The following CRACD variants were observed in gnomAD, a reference collection of about 807,000 sequenced individuals.
CRACD encodes capping protein inhibiting regulator of actin dynamics.
CRACD carries 56 observed loss-of-function variants against 106.8 expected under a neutral mutation model. That is an observed-to-expected ratio of 0.52 (90% CI 0.42 to 0.66). The LOEUF (loss-of-function observed/expected upper bound fraction) is 0.66, where lower values mean the gene tolerates loss of function less well. CRACD is among the 30% of genes least tolerant of loss of function. The pLI is 0.00. For synonymous variants in CRACD, 754 were observed against 670.8 expected (o/e 1.12, Z -1.92); for missense variants, 1,730 against 1,623.2 (o/e 1.07, Z -1.13).
At chr4:56,066,750 C>T (rs1732477875) in intron 1 of CRACD, among the ~76,000 whole-genome samples, 1 of 152,060 alleles carries the variant, frequency 6.6e-6, no homozygotes, top group Non-Finnish European at 1.5e-5. Context: ...ACAGACAGTA[C>T]ACAAAGTACA....
chr4:56,266,414 A>C (rs145274562), intron 2 of CRACD, among the ~76,000 whole-genome samples: 32 of 152,296 alleles, frequency 2.1e-4, no homozygotes, highest in Non-Finnish European at 4.4e-4. Context: ...GTGAGGAAAA[A>C]TAAATTGATA....
intron 2 of CRACD, among the ~76,000 whole-genome samples, chr4:56,198,373 G>A (rs916778446): frequency 4.6e-5 from 7 of 152,182 alleles, no homozygotes; most frequent in African/African-American, 1.7e-4. Context: ...GCATTCATCA[G>A]TGAAGAAGCA....
chr4:56,154,778 CATT>C (rs1295251156), intron 1 of CRACD, among the ~76,000 whole-genome samples: 1 of 150,728 alleles, frequency 6.6e-6, no homozygotes, highest in Non-Finnish European at 1.5e-5. Context: ...AGATGCTCAT[CATT>C]GTCTTTTAGA....
chr4:56,315,311 C>T lies in CRACD; in HGVS notation c.1809C>T (p.Leu603=). 5.6e-6 allele frequency: 9 copies of T among 1,613,890 alleles called. No individual in the cohort carries two copies. The highest frequency in any genetic ancestry group is 7.6e-6 in the Non-Finnish European group (9 of 1,179,960). The change falls in exon 8 of 11, where the codon CTC becomes CTT. Residue 603 remains leucine, a synonymous_variant. Coordinates refer to ENST00000682029, the MANE Select transcript of CRACD (RefSeq NM_001393381.1). The surrounding 1 kb of genome is among the most constrained non-coding windows in gnomAD (Gnocchi z 4.1). ...CCATTCTGGTCACGGGCGCGCAGCT[C>T]TGTGGCCCGGCAGTCAACCTGAGCC... ...HTAILVTGAQ[L]CGPAVNLSQI... is the part of the protein sequence containing the mutation.
chr4:56,223,783 A>T (rs1431793170), intron 2 of CRACD, among the ~76,000 whole-genome samples: 1 of 152,210 alleles, frequency 6.6e-6, no homozygotes, highest in African/African-American at 2.4e-5. Flanking sequence ...TTTTTTAGAC[A>T]GGGTCTCACT....
chr4:56,314,601 G>A lies in CRACD; in HGVS notation c.1099G>A (p.Glu367Lys). 1 of 1,528,610 alleles carries A rather than the reference G, an allele frequency of 6.5e-7. No homozygotes were observed. Among genetic ancestry groups the A allele is most frequent in the South Asian group, 1.2e-5 (1 of 80,618 alleles). 94.7% of individuals were successfully genotyped at this position (1,528,610 alleles called of 1,614,324 possible). Residue 367 changes from glutamate (E) to lysine (K), a missense_variant, in exon 8 of 11, where the codon GAG (glutamate) becomes AAG (lysine). By Grantham distance (56) the Glu-to-Lys change is moderately conservative. Transcript: ENST00000682029. This position sits in a 1 kb window ranked among gnomAD's most constrained non-coding sequence, Gnocchi z 4.4. ...CAAAAGGCAGGAGGAGGAGGAGGCT[G>A]AGGGATGGGAAGAGCTGGAACAGCA... is the stretch of plus-strand genomic sequence containing the variant. ...ELKRQEEEEA[E>K]GWEELEQQEA...
intron 2 of CRACD, among the ~76,000 whole-genome samples, chr4:56,259,428 T>C (rs2109610770): frequency 6.6e-6 from 1 of 152,254 alleles, no homozygotes; most frequent in South Asian, 2.1e-4. Flanking sequence ...AAGCTTGCCC[T>C]GTAGGGAGTG....
At chr4:56,166,141 C>T (rs1185401171) in intron 1 of CRACD, among the ~76,000 whole-genome samples, 6 of 152,076 alleles carry the variant, frequency 3.9e-5, no homozygotes, top group East Asian at 1.9e-4. Context: ...CAGGTGTGAG[C>T]CACTGTACCC....
chr4:56,090,326 C>G (rs943187058), intron 1 of CRACD, among the ~76,000 whole-genome samples: 6 of 152,012 alleles, frequency 3.9e-5, no homozygotes, highest in African/African-American at 1.4e-4. Flanking sequence ...CCTCTTATAC[C>G]CAGGCGTTCC....
chr4:56,308,389 G>GA (rs1744895508), intron 5 of CRACD, among the ~76,000 whole-genome samples: 1 of 151,678 alleles, frequency 6.6e-6, no homozygotes, highest in African/African-American at 2.4e-5. Context: ...GATGCCCTTA[G>GA]ACCTCTTAGG....
In CRACD at chr4:56,159,877, G is replaced by A. The variant is rs185004252; in HGVS notation, c.-335-19407G>A. 1.3e-3 allele frequency among the ~76,000 whole-genome samples: 204 copies of A among 151,998 alleles called. 1 individual carries two copies. The highest frequency in any genetic ancestry group is 6.3e-3 in the South Asian group (30 of 4,798). ...GCTCACCGAAACCTCCACCTCCCGG[G>A]TTCAAACGATTCTCCTGCCTCAGCC... On this transcript the variant is annotated intron_variant, in intron 1 of 10. Transcript: ENST00000682029.
intron 1 of CRACD, among the ~76,000 whole-genome samples, chr4:56,075,713 G>A (rs1374198336): frequency 6.6e-6 from 1 of 152,104 alleles, no homozygotes; most frequent in Non-Finnish European, 1.5e-5. Context: ...TATATAAATG[G>A]CATCGTATAA....
chr4:56,285,742 A>G (rs1040306343), intron 3 of CRACD, among the ~76,000 whole-genome samples: 5 of 152,156 alleles, frequency 3.3e-5, no homozygotes, highest in Non-Finnish European at 5.9e-5. Flanking sequence ...CACTGCTTAC[A>G]CCATTCTTAG....
At chr4:56,248,493 CATT>C (rs1740833866) in intron 2 of CRACD, among the ~76,000 whole-genome samples, 2 of 146,312 alleles carry the variant, frequency 1.4e-5, no homozygotes, top group African/African-American at 2.6e-5. Context: ...AGGCTCAATG[CATT>C]ATTTTTTTTT....
intron 2 of CRACD, among the ~76,000 whole-genome samples, chr4:56,250,219 G>C (rs1740971082): frequency 6.6e-6 from 1 of 150,828 alleles, no homozygotes; most frequent in Admixed American, 6.6e-5. Flanking sequence ...TTGATAATAA[G>C]TAAGAAATGC....
chr4:56,116,917 C>T (rs113967398), intron 1 of CRACD, among the ~76,000 whole-genome samples: 41 of 151,264 alleles, frequency 2.7e-4, no homozygotes, highest in African/African-American at 8.7e-4. Flanking sequence ...CATGTTGGCC[C>T]GGCTGGTCTC....
chr4:56,230,535 A>T (rs1739558849), intron 2 of CRACD, among the ~76,000 whole-genome samples: 1 of 152,152 alleles, frequency 6.6e-6, no homozygotes, highest in Admixed American at 6.5e-5. Flanking sequence ...TTCTGCGCTA[A>T]CTTGCCTCAT....
intron 1 of CRACD, among the ~76,000 whole-genome samples, chr4:56,114,980 C>G (rs1734232813): frequency 6.6e-6 from 1 of 151,788 alleles, no homozygotes; most frequent in Non-Finnish European, 1.5e-5. Flanking sequence ...ATAAAATGTA[C>G]AAATATTTAT....
At chr4:56,306,481 C>G (rs1442997126) in intron 4 of CRACD, among the ~76,000 whole-genome samples, 1 of 152,048 alleles carries the variant, frequency 6.6e-6, no homozygotes, top group Non-Finnish European at 1.5e-5. Flanking sequence ...CCACTGCACT[C>G]CAGCCTGGGC....
Sources: gnomAD v4.1 joint callset for allele counts (sites outside exome capture counted in the v4.1 genomes callset) on GRCh38, gnomAD v4.1.1 for gene constraint, Gnocchi (gnomAD v3.1) non-coding constraint, MANE v1.5 for transcripts, NCBI Gene and HGNC (gene_info 2026-07-23, HGNC 2026-07-21) for gene names.